The following DAB1 variants were observed in gnomAD, a reference collection of about 807,000 sequenced individuals.
The protein encoded by DAB1 is DAB adaptor protein 1.
DAB1 carries 15 observed loss-of-function variants against 64.6 expected under a neutral mutation model. The ratio of observed to expected loss-of-function variants is 0.23; its 90% CI spans 0.16 to 0.36. The LOEUF (loss-of-function observed/expected upper bound fraction) is 0.36, where lower values mean the gene tolerates loss of function less well. Ranked by LOEUF, DAB1 falls within the 10% of genes least tolerant of loss-of-function variation. The probability of loss-of-function intolerance (pLI) is 1.00; values close to 1 mark genes in which losing one functional copy is unlikely to be tolerated. For synonymous variants in DAB1, 235 were observed against 251.9 expected (o/e 0.93, Z 0.64); for missense variants, 596 against 706.7 (o/e 0.84, Z 1.78).
intron 3 of DAB1, among the ~76,000 whole-genome samples, chr1:58,389,221 G>A (rs552110500): frequency 1.4e-4 from 22 of 152,104 alleles, no homozygotes; most frequent in South Asian, 4.2e-4. Flanking sequence ...GAGGACTGCC[G>A]GAGCCTAGTT....
intron 5 of DAB1, among the ~76,000 whole-genome samples, chr1:58,138,974 G>C (rs1354292255): frequency 2.0e-5 from 3 of 152,186 alleles, no homozygotes. Context: ...ATGGTTACTT[G>C]TGCTTGGGCT....
At chr1:57,676,852 C>T (rs889592901) in intron 6 of DAB1, among the ~76,000 whole-genome samples, 3 of 152,154 alleles carry the variant, frequency 2.0e-5, no homozygotes, top group Non-Finnish European at 4.4e-5. Context: ...GTTCTAATTT[C>T]TCCTTTCTCT....
intron 6 of DAB1, among the ~76,000 whole-genome samples, chr1:57,806,510 A>G (rs1651370409): frequency 6.6e-6 from 1 of 152,168 alleles, no homozygotes; most frequent in Non-Finnish European, 1.5e-5. Flanking sequence ...CCCAGAAGCT[A>G]GGGGGAAGGC....
intron 1 of DAB1, among the ~76,000 whole-genome samples, chr1:57,306,215 C>A (rs1490025543): frequency 6.6e-6 from 1 of 152,110 alleles, no homozygotes; most frequent in Non-Finnish European, 1.5e-5. Context: ...GTATCTGATT[C>A]CAAATATCAC....
chr1:58,026,268 T>C (rs1439558849), intron 5 of DAB1, among the ~76,000 whole-genome samples: 2 of 152,196 alleles, frequency 1.3e-5, no homozygotes, highest in Admixed American at 6.6e-5. Context: ...GGAAAGAATA[T>C]CGCAAGAAGG....
intron 1 of DAB1, among the ~76,000 whole-genome samples, chr1:57,828,570 A>T (rs1652456225): frequency 6.6e-6 from 1 of 152,336 alleles, no homozygotes; most frequent in East Asian, 1.9e-4. Flanking sequence ...CAAGGAAAAA[A>T]ATGAGACAAG....
intron 4 of DAB1, chr1:58,150,640 C>G (rs1040367808): frequency 1.3e-5 from 2 of 148,924 alleles, no homozygotes; most frequent in African/African-American, 4.9e-5. Context: ...CTTTCCTGTA[C>G]CAAACATACT....
chr1:58,337,586 TCTTGACCTTGGCTTC>T (rs1663149823), intron 4 of DAB1, among the ~76,000 whole-genome samples: 1 of 152,210 alleles, frequency 6.6e-6, no homozygotes, highest in South Asian at 2.1e-4. Context: ...ACTTATGTTT[TCTTGACCTTGGCTTC>T]CTCATATGTA....
intron 3 of DAB1, among the ~76,000 whole-genome samples, chr1:57,144,589 G>A (rs1658928377): frequency 6.6e-6 from 1 of 151,692 alleles, no homozygotes; most frequent in Non-Finnish European, 1.5e-5. Flanking sequence ...AGCTACTCAG[G>A]AGGCTGAGGC....
At chr1:57,848,750 G>A (rs773777626) in intron 1 of DAB1, among the ~76,000 whole-genome samples, 7 of 152,198 alleles carry the variant, frequency 4.6e-5, no homozygotes, top group Non-Finnish European at 7.3e-5. Context: ...CCAAATCCAG[G>A]TTAGTCTAGA....
chr1:57,290,351 T>G (rs1417182116), intron 2 of DAB1, among the ~76,000 whole-genome samples: 3 of 152,148 alleles, frequency 2.0e-5, no homozygotes, highest in Non-Finnish European at 1.5e-5. Flanking sequence ...TGGCATCACC[T>G]GGGAACCTGT....
intron 4 of DAB1, among the ~76,000 whole-genome samples, chr1:57,075,528 A>G (rs1166879552): frequency 6.6e-6 from 1 of 152,234 alleles, no homozygotes; most frequent in Non-Finnish European, 1.5e-5. Flanking sequence ...CAGACGTAAC[A>G]TAGATACTTA....
intron 7 of DAB1, among the ~76,000 whole-genome samples, chr1:57,645,127 G>A (rs894155863): frequency 6.6e-6 from 1 of 152,112 alleles, no homozygotes; most frequent in African/African-American, 2.4e-5. Context: ...CAGGATGGCT[G>A]CCACCTCCCT....
chr1:57,795,669 C>A (rs1650810153), intron 6 of DAB1, among the ~76,000 whole-genome samples: 1 of 124,568 alleles, frequency 8.0e-6, no homozygotes, highest in Non-Finnish European at 1.6e-5. Context: ...AAAATATAAC[C>A]ATCCATGAAT....
At chr1:57,047,832 T>C (rs1193430858) in intron 9 of DAB1, among the ~76,000 whole-genome samples, 1 of 152,152 alleles carries the variant, frequency 6.6e-6, no homozygotes, top group Non-Finnish European at 1.5e-5. Flanking sequence ...CTGCAGGCCC[T>C]CCAGCCCCAT....
chr1:57,717,093 G>T (rs964270287), intron 6 of DAB1, among the ~76,000 whole-genome samples: 2 of 151,856 alleles, frequency 1.3e-5, no homozygotes, highest in African/African-American at 2.4e-5. Flanking sequence ...ACAAAAATTA[G>T]CTGGGTGTGG....
intron 1 of DAB1, among the ~76,000 whole-genome samples, chr1:57,332,531 C>G (rs1194313170): frequency 2.0e-5 from 3 of 152,180 alleles, no homozygotes; most frequent in South Asian, 4.1e-4. Flanking sequence ...TACTACCAAT[C>G]AATGAGAGAC....
At chr1:58,065,602 C>T (rs1483585579) in intron 5 of DAB1, among the ~76,000 whole-genome samples, 1 of 152,146 alleles carries the variant, frequency 6.6e-6, no homozygotes, top group Non-Finnish European at 1.5e-5. Flanking sequence ...AATGGAACAA[C>T]ATGGTCCCCT....
At chr1:57,641,801 T>C (rs1353700556) in intron 7 of DAB1, among the ~76,000 whole-genome samples, 2 of 152,212 alleles carry the variant, frequency 1.3e-5, no homozygotes, top group Non-Finnish European at 2.9e-5. Context: ...TCTCATTATC[T>C]ATCCTCTCAT....
Sources: allele counts gnomAD v4.1 joint callset (sites outside exome capture counted in the v4.1 genomes callset), GRCh38; gene constraint gnomAD v4.1.1; transcripts MANE v1.5; gene names NCBI Gene and HGNC (gene_info 2026-07-23, HGNC 2026-07-21).